Variants in WDR48 observed in about 807,000 individuals in gnomAD.
WDR48 encodes the protein WD repeat domain 48.
WDR48 carries 22 observed loss-of-function variants against 94.0 expected under a neutral mutation model. The ratio of observed to expected loss-of-function variants is 0.23; its 90% CI spans 0.17 to 0.33. The LOEUF (loss-of-function observed/expected upper bound fraction) is 0.33. Among genes scored for constraint, WDR48 ranks in the 10% least tolerant of loss-of-function variants. WDR48 has a pLI of 1.00. For synonymous variants in WDR48, 278 were observed against 280.5 expected (o/e 0.99, Z 0.09); for missense variants, 541 against 813.8 (o/e 0.66, Z 4.08).
At chr3:39,089,874 G>A (rs923866836) in intron 16 of WDR48, 1 of 152,010 alleles carries the variant, frequency 6.6e-6, no homozygotes, top group Admixed American at 6.6e-5. Flanking sequence ...CTGTATAAAT[G>A]TACCATAATT....
Position 39,065,921 on chromosome 3 carries a change from CTGATA to C in WDR48, c.268+34_268+38del, listed in dbSNP as rs746947222. ...ATTTCTTTGGATTATTATTGGGCTT[CTGATA>C]TATTTTTTGTTTTTTATATAAGCTT... is the stretch of plus-strand genomic sequence containing the variant. On this transcript the variant is annotated intron_variant, in intron 3 of 18. Coordinates refer to ENST00000302313, the MANE Select transcript of WDR48 (RefSeq NM_020839.4). 49 of 1,516,472 alleles carry C rather than the reference CTGATA, an allele frequency of 3.2e-5. No individual in the cohort carries two copies. In the African/African-American group the frequency reaches 5.0e-4, roughly 16 times the overall value. The allele number at this position is 1,516,472 out of a possible 1,614,324, so 93.9% of individuals were successfully genotyped here. A position where few individuals can be genotyped will look rare whatever the true frequency, so the allele number is the denominator to read the frequency against.
chr3:39,068,573 T>C (rs975040738), intron 5 of WDR48, among the ~76,000 whole-genome samples, 198 bp from the exon 6 acceptor site: 7 of 152,234 alleles, frequency 4.6e-5, no homozygotes, highest in South Asian at 4.1e-4. Context: ...TGAGCATTTG[T>C]ATATATTCAA....
intron 1 of WDR48, among the ~76,000 whole-genome samples, chr3:39,059,934 T>C (rs1373152796): frequency 6.6e-6 from 1 of 152,230 alleles, no homozygotes; most frequent in African/African-American, 2.4e-5. Context: ...TTTGTAACTG[T>C]CCCTCTTTCT....
chr3:39,091,840 A>G (rs2035087302), intron 17 of WDR48, 139 bp downstream of exon 17: 1 of 747,782 alleles, frequency 1.3e-6, no homozygotes, highest in East Asian at 3.4e-5. Flanking sequence ...CAATTAAACC[A>G]CTTACCAGGT....
In WDR48 at chr3:39,069,663, A is replaced by C. The variant is rs1318224482; in HGVS notation, c.591A>C (p.Pro197=). 1.2e-6 allele frequency: 2 copies of C among 1,613,318 alleles called. No individual in the cohort carries two copies. The highest frequency in any genetic ancestry group is 2.2e-5 in the South Asian group (2 of 91,006). The change falls in exon 7 of 19, where the codon CCA becomes CCC. Residue 197 remains proline, a synonymous_variant. Coordinates refer to ENST00000302313, the MANE Select transcript of WDR48 (RefSeq NM_020839.4). ...CACAGGTGTTACGGGTATGGGATCC[A>C]AGAACATGTGCAAAACTAATGAAGC... ...STEKVLRVWD[P]RTCAKLMKLK...
At chr3:39,070,126 T>G (rs926012866) in intron 7 of WDR48, among the ~76,000 whole-genome samples, 1 of 152,232 alleles carries the variant, frequency 6.6e-6, no homozygotes, top group Non-Finnish European at 1.5e-5. Context: ...TTTTGTCAGT[T>G]GACTATGTAG....
chr3:39,057,238 A>T (rs1390258846), intron 1 of WDR48, among the ~76,000 whole-genome samples: 1 of 152,238 alleles, frequency 6.6e-6, no homozygotes, highest in East Asian at 1.9e-4. Context: ...TAGTTTCAGA[A>T]CTACATCCTA....
intron 1 of WDR48, among the ~76,000 whole-genome samples, chr3:39,057,426 C>A (rs1448515571): frequency 6.6e-6 from 1 of 152,146 alleles, no homozygotes; most frequent in Non-Finnish European, 1.5e-5. Flanking sequence ...AGTAGAGAGA[C>A]TGTTTTTCAT....
At position 39,095,422 on chromosome 3, in the gene WDR48, C is replaced by G. The variant is rs754373510; in HGVS notation, c.*679C>G. ...ACTGTTGGGCCGGAGTTTGTGCAGC[C>G]CATGCCTAGCGATGCTGCACCTCCC... On this transcript the variant is annotated 3_prime_UTR_variant, in exon 19 of 19. Coordinates refer to ENST00000302313, the MANE Select transcript of WDR48 (RefSeq NM_020839.4). 1.3e-5 allele frequency: 2 copies of G among 152,328 alleles called. No individual in the cohort carries two copies. The highest frequency in any genetic ancestry group is 2.9e-5 in the Non-Finnish European group (2 of 68,140). The allele number at this position is 152,328 out of a possible 1,614,324, so 9.4% of individuals were successfully genotyped here.
intron 8 of WDR48, 46 bp downstream of exon 8, chr3:39,074,996 A>G (rs938004238): frequency 1.3e-6 from 2 of 1,577,752 alleles, no homozygotes; most frequent in East Asian, 2.3e-5. Context: ...AGGTTGTTAC[A>G]TGTGTTAGCC....
intron 7 of WDR48, among the ~76,000 whole-genome samples, chr3:39,071,080 CATT>C (rs10600157): frequency 0.035 from 5,394 of 152,178 alleles, 186 homozygotes; most frequent in East Asian, 0.16. Context: ...TCCAGTCTAT[CATT>C]GTTGGATATT....
At chr3:39,067,429 G>A (rs560347771) in intron 5 of WDR48, among the ~76,000 whole-genome samples, 25 of 152,214 alleles carry the variant, frequency 1.6e-4, no homozygotes, top group Non-Finnish European at 3.4e-4. Flanking sequence ...GAACGGTAGA[G>A]TGCTTCTAGA....
intron 7 of WDR48, 149 bp from the exon 8 acceptor site, chr3:39,074,577 T>G: frequency 5.2e-6 from 4 of 763,006 alleles, no homozygotes; most frequent in Middle Eastern, 3.9e-4. Context: ...TAGCCTGTGG[T>G]GCATGGTTGT....
At chr3:39,059,074 C>CAAAA (rs1178955423) in intron 1 of WDR48, among the ~76,000 whole-genome samples, 13 of 69,690 alleles carry the variant, frequency 1.9e-4, no homozygotes, top group African/African-American at 4.0e-4. Context: ...GACTCCGTCT[C>CAAAA]AAAAAAAAAA....
chr3:39,094,697 A>G lies in WDR48; in HGVS notation c.1988A>G (p.Lys663Arg), dbSNP rs1559631849. Residue 663 changes from lysine (K) to arginine (R), a missense_variant, in exon 19 of 19, where the codon AAG becomes AGG. Physicochemically the swap from Lys to Arg is conservative, Grantham distance 26. Transcript: ENST00000302313. ...CGAACAGTGAAACACTTCATATGGA[A>G]GAGCGGTGGAGACCTCACCCTCCAT... ...DLRTVKHFIW[K>R]SGGDLTLHYR... 1 of 1,614,186 alleles carries G rather than the reference A, an allele frequency of 6.2e-7. No individual in the cohort carries two copies.
rs776020717 is a variant in WDR48, at chr3:39,068,879, T to C, written c.570+20T>C. 1 of 1,526,272 alleles carries C rather than the reference T, an allele frequency of 6.6e-7. No individual in the cohort carries two copies. The highest frequency in any genetic ancestry group is 8.8e-7 in the Non-Finnish European group (1 of 1,130,684). 94.5% of individuals were successfully genotyped at this position (1,526,272 alleles called of 1,614,324 possible). On this transcript the variant is annotated intron_variant, in intron 6 of 18. Coordinates refer to ENST00000302313, the MANE Select transcript of WDR48 (RefSeq NM_020839.4). ...GAAAAGGTAAGGAGGAGCTTATTTC[T>C]TTATTTAAAAAAAAAAATTATTTTT... is the stretch of plus-strand genomic sequence containing the variant.
Position 39,087,448 on chromosome 3 carries a change from C to T in WDR48, c.1475-680C>T, listed in dbSNP as rs1013943109. ...GCTGGGCGATATAGCAAGATCCTGT[C>T]CCTACAAGAAATGTAAACAATTAGC... is the stretch of plus-strand genomic sequence containing the variant. On this transcript the variant is annotated intron_variant, in intron 14 of 18. Coordinates refer to ENST00000302313, the MANE Select transcript of WDR48 (RefSeq NM_020839.4). Among the ~76,000 whole-genome samples, 5 of 152,148 alleles carry T rather than the reference C, an allele frequency of 3.3e-5. No individual in the cohort carries two copies. The South Asian group carries it at 6.2e-4, about 19-fold the overall frequency.
Position 39,085,630 on chromosome 3 carries a change from T to G in WDR48, c.1474+20T>G. ...ACCATGGTTAGTTTTTATATTCAGA[T>G]AGTTGCATAAAAAGTTAGAGGTACT... is the stretch of plus-strand genomic sequence containing the variant. On this transcript the variant is annotated intron_variant, in intron 14 of 18. Coordinates refer to ENST00000302313, the MANE Select transcript of WDR48 (RefSeq NM_020839.4). 6.3e-7 allele frequency: 1 copy of G among 1,589,236 alleles called. No homozygotes were observed. The highest frequency in any genetic ancestry group is 1.1e-5 in the South Asian group (1 of 87,262).
chr3:39,065,362 C>T (rs960383478), intron 2 of WDR48, among the ~76,000 whole-genome samples: 1 of 152,280 alleles, frequency 6.6e-6, no homozygotes, highest in Middle Eastern at 3.4e-3. Flanking sequence ...TGCATTCAGA[C>T]CAGGCTCCTT....
Sources: gnomAD v4.1 joint callset for allele counts (sites outside exome capture counted in the v4.1 genomes callset) on GRCh38, gnomAD v4.1.1 for gene constraint, MANE v1.5 for transcripts, NCBI Gene and HGNC (gene_info 2026-07-23, HGNC 2026-07-21) for gene names.